Variants in OPCML observed in about 807,000 individuals in gnomAD.
OPCML encodes opioid binding protein/cell adhesion molecule like.
OPCML carries 13 observed loss-of-function variants against 37.8 expected under a neutral mutation model. That is an observed-to-expected ratio of 0.34 (90% CI 0.22 to 0.55). The LOEUF is 0.55. Among genes scored for constraint, OPCML ranks in the 20% least tolerant of loss-of-function variants. OPCML has a pLI of 0.91. For missense variants in OPCML, 341 were observed against 435.6 expected (o/e 0.78, Z 1.93); for synonymous variants, 176 against 168.8 (o/e 1.04, Z -0.33).
chr11:133,369,356 T>C (rs1030142542), intron 1 of OPCML, among the ~76,000 whole-genome samples: 2 of 152,206 alleles, frequency 1.3e-5, no homozygotes, highest in African/African-American at 4.8e-5. Flanking sequence ...AGTACTGCAA[T>C]GAATATCATC....
intron 2 of OPCML, among the ~76,000 whole-genome samples, chr11:132,851,865 C>G (rs796630423): frequency 9.9e-5 from 15 of 152,174 alleles, no homozygotes; most frequent in African/African-American, 3.1e-4. Flanking sequence ...CATGAAAGAA[C>G]GCGATGTGAG....
intron 2 of OPCML, among the ~76,000 whole-genome samples, chr11:132,669,585 T>C (rs1303608070): frequency 6.6e-6 from 1 of 152,210 alleles, no homozygotes; most frequent in Non-Finnish European, 1.5e-5. Flanking sequence ...TGCTCGGGTA[T>C]TGTCATCTCT....
At chr11:133,009,155 A>G in intron 1 of OPCML, 2 of 985,180 alleles carry the variant, frequency 2.0e-6, no homozygotes. Context: ...GGATTTATTT[A>G]CTCTTTGTCC....
At chr11:132,896,969 G>T (rs145031788) in intron 2 of OPCML, among the ~76,000 whole-genome samples, 133 of 152,256 alleles carry the variant, frequency 8.7e-4, no homozygotes, top group African/African-American at 3.1e-3. Context: ...TTTGAATTTT[G>T]CAGGCAACAC....
At chr11:133,108,830 A>G (rs1222770942) in intron 1 of OPCML, among the ~76,000 whole-genome samples, 1 of 152,190 alleles carries the variant, frequency 6.6e-6, no homozygotes, top group Non-Finnish European at 1.5e-5. Context: ...GAAATACATA[A>G]TGAAACATAT....
chr11:133,204,952 A>T (rs1394761782), intron 1 of OPCML, among the ~76,000 whole-genome samples: 3 of 145,726 alleles, frequency 2.1e-5, no homozygotes, highest in Non-Finnish European at 4.5e-5. Flanking sequence ...TTCTTGGAAC[A>T]CTGCTCTGAA....
intron 1 of OPCML, among the ~76,000 whole-genome samples, chr11:133,290,623 G>C (rs997038075): frequency 6.6e-6 from 1 of 152,196 alleles, no homozygotes; most frequent in South Asian, 2.1e-4. Flanking sequence ...CCTGTGGCTG[G>C]TTTGGGATTG....
chr11:133,020,460 G>A (rs757059854), intron 1 of OPCML, among the ~76,000 whole-genome samples: 2 of 152,162 alleles, frequency 1.3e-5, no homozygotes, highest in Non-Finnish European at 2.9e-5. Context: ...GATTATCCCA[G>A]TTCAGAAGCC....
chr11:132,935,821 A>G (rs964554116), intron 2 of OPCML, among the ~76,000 whole-genome samples: 2 of 152,232 alleles, frequency 1.3e-5, no homozygotes, highest in African/African-American at 4.8e-5. Context: ...TCCTCCTTCT[A>G]TACTTTGGTA....
intron 1 of OPCML, among the ~76,000 whole-genome samples, chr11:133,035,360 C>A (rs557068686): frequency 2.3e-4 from 35 of 152,300 alleles, no homozygotes; most frequent in African/African-American, 7.7e-4. Context: ...GTCCTTGGAT[C>A]AAGGCTGCAG....
At chr11:132,668,724 C>T (rs927396618) in intron 2 of OPCML, among the ~76,000 whole-genome samples, 10 of 152,138 alleles carry the variant, frequency 6.6e-5, no homozygotes, top group East Asian at 1.9e-4. Flanking sequence ...TCTATAAAAA[C>T]GGATATTGAT....
chr11:133,080,174 G>A (rs939227292), intron 1 of OPCML, among the ~76,000 whole-genome samples: 10 of 152,154 alleles, frequency 6.6e-5, no homozygotes, highest in Non-Finnish European at 1.0e-4. Flanking sequence ...AGATGCAGAT[G>A]GCCGGATGTA....
intron 2 of OPCML, among the ~76,000 whole-genome samples, chr11:132,792,249 T>C (rs1359274041): frequency 2.0e-5 from 3 of 152,166 alleles, no homozygotes; most frequent in South Asian, 2.1e-4. Flanking sequence ...GTGTTCTGTA[T>C]TGAAACCACT....
chr11:133,335,552 AG>A (rs1850726236), intron 1 of OPCML, among the ~76,000 whole-genome samples: 1 of 152,142 alleles, frequency 6.6e-6, no homozygotes, highest in African/African-American at 2.4e-5. Context: ...AAGGAGGGAA[AG>A]CATCCTCAGC....
At chr11:132,937,084 G>A (rs1055582119) in intron 2 of OPCML, among the ~76,000 whole-genome samples, 9 of 152,084 alleles carry the variant, frequency 5.9e-5, no homozygotes, top group East Asian at 1.9e-4. Flanking sequence ...ACAGCTTCCC[G>A]TTAATAATAA....
intron 2 of OPCML, among the ~76,000 whole-genome samples, chr11:132,706,302 G>C (rs1004639192): frequency 1.3e-5 from 2 of 152,020 alleles, no homozygotes; most frequent in African/African-American, 4.8e-5. Context: ...GTGTAGACAA[G>C]GACTCAGATC....
intron 2 of OPCML, chr11:132,859,498 A>G (rs1013251996): frequency 3.9e-5 from 6 of 152,208 alleles, no homozygotes; most frequent in Admixed American, 6.5e-5. Context: ...ATTCTTCAGT[A>G]ATGAGGAAAC....
At chr11:132,480,953 T>G (rs948835711) in intron 4 of OPCML, among the ~76,000 whole-genome samples, 3 of 150,528 alleles carry the variant, frequency 2.0e-5, no homozygotes, top group Non-Finnish European at 4.4e-5. Context: ...AGGAAGAAAC[T>G]GCATGAAATA....
intron 1 of OPCML, among the ~76,000 whole-genome samples, chr11:133,356,155 A>G (rs1226144266): frequency 6.6e-6 from 1 of 152,234 alleles, no homozygotes; most frequent in Non-Finnish European, 1.5e-5. Flanking sequence ...AATATTTTAT[A>G]GCATGATTCT....
Sources: allele counts gnomAD v4.1 joint callset (sites outside exome capture counted in the v4.1 genomes callset), GRCh38; gene constraint gnomAD v4.1.1; transcripts MANE v1.5; gene names NCBI Gene and HGNC (gene_info 2026-07-23, HGNC 2026-07-21).